The following ASIC4 variants were observed in gnomAD, a reference collection of about 807,000 sequenced individuals.
ASIC4 encodes the protein acid sensing ion channel subunit family member 4.
In ASIC4, 28 loss-of-function variants were observed where a neutral mutation model predicts 53.4. That is an observed-to-expected ratio of 0.52 (90% CI 0.39 to 0.72). The LOEUF (loss-of-function observed/expected upper bound fraction) is 0.72, where lower values mean the gene tolerates loss of function less well. Ranked by LOEUF, ASIC4 falls within the 30% of genes least tolerant of loss-of-function variation. The pLI, the probability that ASIC4 is intolerant of heterozygous loss-of-function variation, is 0.00. For synonymous variants in ASIC4, 289 were observed against 301.4 expected, an observed-to-expected ratio of 0.96 and a Z score of 0.43; for missense variants, 649 against 729.7, an observed-to-expected ratio of 0.89 and a Z score of 1.27.
chr2:219,532,214 A>G, intron 3 of ASIC4, 86 bp downstream of exon 3: 1 of 1,599,926 alleles, frequency 6.3e-7, no homozygotes, highest in Non-Finnish European at 8.5e-7. Context: ...GCCCTCTAGA[A>G]GCTCAGAGCC....
chr2:219,531,122 A>T (rs1695033937), intron 1 of ASIC4, among the ~76,000 whole-genome samples: 1 of 151,950 alleles, frequency 6.6e-6, no homozygotes, highest in African/African-American at 2.4e-5. Flanking sequence ...GCCAAAGCAG[A>T]AGGATTGCTT....
chr2:219,523,601 G>C (rs1258032661), intron 1 of ASIC4, among the ~76,000 whole-genome samples: 1 of 152,188 alleles, frequency 6.6e-6, no homozygotes, highest in African/African-American at 2.4e-5. Flanking sequence ...GTGTGGCATT[G>C]TCTGATGCCC....
intron 1 of ASIC4, 150 bp from the exon 2 acceptor site, chr2:219,531,608 T>C: frequency 1.2e-6 from 1 of 831,650 alleles, no homozygotes; most frequent in Non-Finnish European, 1.8e-6. Context: ...TTGGCGCTGA[T>C]TGGAGAGGCT....
chr2:219,511,393 C>G (rs1024337521), upstream of ASIC4, among the ~76,000 whole-genome samples: 2 of 126,488 alleles, frequency 1.6e-5, no homozygotes, highest in African/African-American at 3.1e-5. The surrounding 1 kb of genome is among the most constrained non-coding windows in gnomAD (Gnocchi z 5.3). Context: ...GCATGCACTG[C>G]CCCCCCCCCA....
chr2:219,533,258 C>G (rs776893200), intron 5 of ASIC4: 6 of 479,718 alleles, frequency 1.3e-5, no homozygotes, highest in Non-Finnish European at 2.3e-5. Context: ...CTCTCTTGGT[C>G]TCAGGAAAAA....
intron 5 of ASIC4, among the ~76,000 whole-genome samples, chr2:219,534,693 A>C (rs995038387): frequency 6.6e-6 from 1 of 152,186 alleles, no homozygotes; most frequent in African/African-American, 2.4e-5. Context: ...GAGAAAGCCC[A>C]GCACATTGAT....
chr2:219,510,052 A>T (rs1393231109), upstream of ASIC4, among the ~76,000 whole-genome samples: 1 of 151,768 alleles, frequency 6.6e-6, no homozygotes, highest in Non-Finnish European at 1.5e-5. This position sits in a 1 kb window ranked among gnomAD's most constrained non-coding sequence, Gnocchi z 5.2. Flanking sequence ...GACAGAGGAG[A>T]GAAGGATCAG....
intron 1 of ASIC4, among the ~76,000 whole-genome samples, chr2:219,519,505 G>A (rs767717200): frequency 1.1e-4 from 16 of 152,302 alleles, no homozygotes; most frequent in East Asian, 1.9e-4. Context: ...ATGCATGCAC[G>A]TGTGCATAGG....
intron 4 of ASIC4, 159 bp from the exon 5 acceptor site, chr2:219,532,724 C>G: frequency 4.7e-6 from 4 of 847,056 alleles, no homozygotes. Context: ...TCATTTATAT[C>G]CGTGGTTGCG....
rs374074754 is a variant in ASIC4, at chr2:219,532,917, C to T, written c.1053C>T (p.Ile351=). ...NETICPPNIY[I]ECADHTLDSL... is the part of the protein sequence containing the mutation. ...CCATCTGCCCACCAAATATCTACAT[C>T]GAGTGTGCAGACCACACACTGGGTC... is the stretch of plus-strand genomic sequence containing the variant. The change falls in exon 5 of 10, where the codon ATC becomes ATT. Residue 351 remains isoleucine (I), a synonymous_variant. Transcript: ENST00000358078. 4.3e-6 allele frequency: 7 copies of T among 1,613,922 alleles called. No individual in the cohort carries two copies. The highest frequency in any genetic ancestry group is 3.3e-5 in the Admixed American group (2 of 59,982).
At chr2:219,530,206 G>T (rs187570485) in intron 1 of ASIC4, among the ~76,000 whole-genome samples, 2 of 152,296 alleles carry the variant, frequency 1.3e-5, no homozygotes, top group East Asian at 1.9e-4. Flanking sequence ...CCAGGGGCTC[G>T]GCTCTGTTAG....
At chr2:219,507,558 G>C in the ASIC4 span, among the ~76,000 whole-genome samples, 1 of 152,086 alleles carries the variant, frequency 6.6e-6, no homozygotes, top group Non-Finnish European at 1.5e-5. Context: ...GAGGTACCCT[G>C]TTCTGGGAAG....
Position 219,514,646 on chromosome 2 carries a change from A to ACTCGGGAGGGCACCT in ASIC4, c.-65_-64insTCTCGGGAGGGCACC, listed in dbSNP as rs1299084620. 13 of 1,612,550 alleles carry ACTCGGGAGGGCACCT rather than the reference A, an allele frequency of 8.1e-6. No homozygotes were observed. The highest frequency in any genetic ancestry group is 5.5e-5 in the South Asian group (5 of 90,956). On this transcript the variant is annotated 5_prime_UTR_variant, in exon 1 of 10. Coordinates refer to ENST00000358078, the MANE Select transcript of ASIC4 (RefSeq NM_018674.6). ...AAGAGCAGCCGCTGCCACCACTGCCACTCGGGAGGGCACCAGGGCTGCTGG... is the reference window on the plus strand; with the variant it reads ...AAGAGCAGCCGCTGCCACCACTGCCACTCGGGAGGGCACCTCTCGGGAGGGCACCAGGGCTGCTGG...
At position 219,532,050 on chromosome 2, in the gene ASIC4, G is replaced by A. The variant is rs768213575; in HGVS notation, c.777G>A (p.Glu259=). 1.2e-6 allele frequency: 2 copies of A among 1,614,244 alleles called. No individual in the cohort carries two copies. Among genetic ancestry groups the A allele is most frequent in the South Asian group, 2.2e-5 (2 of 91,090 alleles). ...TTCGGGTGCAGATCCACAGCCAGGA[G>A]GAGCCGCCCTACATCCACCAGCTGG... is the stretch of plus-strand genomic sequence containing the variant. ...AGIRVQIHSQ[E]EPPYIHQLGF... Residue 259 remains glutamate, a synonymous_variant, in exon 3 of 10, where the codon GAG becomes GAA. Coordinates refer to ENST00000358078, the MANE Select transcript of ASIC4 (RefSeq NM_018674.6).
In ASIC4 at chr2:219,537,430, G is replaced by A; in HGVS notation, c.1401+109G>A. The A allele has an allele frequency of 7.5e-7, 1 of 1,336,904 alleles. No individual in the cohort carries two copies. The allele number at this position is 1,336,904 out of a possible 1,614,324, so 82.8% of individuals were successfully genotyped here. On this transcript the variant is annotated intron_variant, in intron 8 of 9. Coordinates refer to ENST00000358078, the MANE Select transcript of ASIC4 (RefSeq NM_018674.6). The surrounding 1 kb of genome is among the most constrained non-coding windows in gnomAD (Gnocchi z 4.9). ...GCCTGGCTGGAAAGTCAGGTTCAGG[G>A]TTCTCTGCCAGGGTCCCCTGACTGG...
intron 3 of ASIC4, 42 bp downstream of exon 3, chr2:219,532,170 G>A (rs746734801): frequency 4.0e-5 from 64 of 1,611,578 alleles, no homozygotes; most frequent in East Asian, 6.7e-5. Context: ...CACAGGGCTC[G>A]CCTTTGGGCT....
Position 219,531,866 on chromosome 2 carries a change from C to A in ASIC4, c.691C>A (p.Gln231Lys). The A allele has an allele frequency of 6.2e-7, 1 of 1,613,210 alleles. No individual in the cohort carries two copies. The highest frequency in any genetic ancestry group is 8.5e-7 in the Non-Finnish European group (1 of 1,179,532). Residue 231 changes from glutamine to lysine, a missense_variant, in exon 2 of 10, where the codon CAG becomes AAG. Physicochemically the swap from Gln to Lys is moderately conservative, Grantham distance 53. Coordinates refer to ENST00000358078, the MANE Select transcript of ASIC4 (RefSeq NM_018674.6). ...TGGCCTGGAGATCATGCTGGACATC[C>A]AGCAGGAGGAGTACCTGCCCATCTG... ...GSGLEIMLDI[Q>K]QEEYLPIWRE...
chr2:219,537,984 C>A lies in ASIC4; in HGVS notation c.1558C>A (p.Leu520Ile). 6.2e-7 allele frequency: 1 copy of A among 1,613,076 alleles called. No homozygotes were observed. The highest frequency in any genetic ancestry group is 1.7e-4 in the Middle Eastern group (1 of 6,054). The stretch of plus-strand genomic sequence containing the variant: ...GGAGGGTGGGGGGGTCAGCAGTCTG[C>A]TCCCCAATCACCACCACCCCCACGG... ...RVEGGGVSSL[L>I]PNHHHPHGPP... is the part of the protein sequence containing the mutation. Residue 520 changes from leucine to isoleucine, a missense_variant, in exon 10 of 10, where the codon CTC (leucine) becomes ATC (isoleucine). Transcript: ENST00000358078. The surrounding 1 kb of genome is among the most constrained non-coding windows in gnomAD (Gnocchi z 4.9).
chr2:219,529,769 C>G (rs1255750510), intron 1 of ASIC4, among the ~76,000 whole-genome samples: 1 of 152,142 alleles, frequency 6.6e-6, no homozygotes. Context: ...CGGTAGACGG[C>G]ACTGTGTTCT....
Sources: gnomAD v4.1 joint callset for allele counts (sites outside exome capture counted in the v4.1 genomes callset) on GRCh38, gnomAD v4.1.1 for gene constraint, Gnocchi (gnomAD v3.1) non-coding constraint, MANE v1.5 for transcripts, NCBI Gene and HGNC (gene_info 2026-07-23, HGNC 2026-07-21) for gene names.